The following GPC6 variants were observed in gnomAD, a reference collection of about 807,000 sequenced individuals.
GPC6 encodes glypican-6.
Under a neutral mutation model 55.2 loss-of-function variants are expected in GPC6, and 14 were observed. The ratio of observed to expected loss-of-function variants is 0.25; its 90% CI spans 0.17 to 0.40. The LOEUF is 0.40. GPC6 is among the 10% of genes least tolerant of loss of function. The probability of loss-of-function intolerance (pLI) is 1.00; values close to 1 mark genes in which losing one functional copy is unlikely to be tolerated. For missense variants in GPC6, 641 were observed against 708.5 expected, an observed-to-expected ratio of 0.90 and a Z score of 1.08; for synonymous variants, 278 against 259.6, an observed-to-expected ratio of 1.07 and a Z score of -0.68.
At chr13:94,335,124 G>A (rs144521156) in intron 6 of GPC6, among the ~76,000 whole-genome samples, 1 of 152,294 alleles carries the variant, frequency 6.6e-6, no homozygotes, top group East Asian at 1.9e-4. Flanking sequence ...TTAAGAGTGA[G>A]TTGTCTTATC....
At chr13:94,201,252 G>A (rs1420744490) in intron 4 of GPC6, among the ~76,000 whole-genome samples, 5 of 152,158 alleles carry the variant, frequency 3.3e-5, no homozygotes, top group Non-Finnish European at 5.9e-5. Flanking sequence ...ATAGGATGCT[G>A]AGGCTGATTA....
In GPC6 at chr13:93,250,125, A is replaced by G. The variant is rs75971511; in HGVS notation, c.160+22509A>G. On this transcript the variant is annotated intron_variant, in intron 1 of 8. Transcript: ENST00000377047. ...TCTGTGCCTTGATTTTTCCATCTGT[A>G]AACAGGGGTAATAGCAATTCCTATC... Among the ~76,000 whole-genome samples the G allele has an allele frequency of 9.9e-5, 15 of 152,272 alleles. No individual in the cohort carries two copies. The East Asian group carries it at 2.7e-3, about 27-fold the overall frequency.
chr13:94,271,338 G>A (rs1289492162), intron 4 of GPC6, among the ~76,000 whole-genome samples: 1 of 148,618 alleles, frequency 6.7e-6, no homozygotes, highest in Non-Finnish European at 1.5e-5. Context: ...TGATTCCCTT[G>A]CCTCACACTT....
chr13:94,127,035 T>C (rs1283169476), intron 4 of GPC6, among the ~76,000 whole-genome samples: 1 of 152,160 alleles, frequency 6.6e-6, no homozygotes, highest in Non-Finnish European at 1.5e-5. Context: ...GTACTAGTCA[T>C]TTTTCAATAT....
At chr13:93,860,457 G>T (rs943056685) in intron 3 of GPC6, among the ~76,000 whole-genome samples, 1 of 151,608 alleles carries the variant, frequency 6.6e-6, no homozygotes, top group African/African-American at 2.4e-5. Flanking sequence ...AAATAGGGTA[G>T]TTTTTTCTGG....
At chr13:94,243,741 G>T (rs1891122500) in intron 4 of GPC6, among the ~76,000 whole-genome samples, 2 of 152,080 alleles carry the variant, frequency 1.3e-5, no homozygotes, top group South Asian at 4.1e-4. Context: ...TGCTTTTTAT[G>T]TCTACCAGTA....
intron 4 of GPC6, among the ~76,000 whole-genome samples, chr13:94,267,258 C>G (rs1891846815): frequency 6.6e-6 from 1 of 151,922 alleles, no homozygotes; most frequent in African/African-American, 2.4e-5. Flanking sequence ...TTCTGAGACA[C>G]TGGGTTTGGT....
rs187894076 is a variant in GPC6 at position 93,319,323 on chromosome 13, C to T, written c.160+91707C>T. Among the ~76,000 whole-genome samples the T allele has an allele frequency of 2.7e-3, 406 of 151,686 alleles. 4 individuals are homozygous for T. Among genetic ancestry groups the T allele is most frequent in the Non-Finnish European group, 4.1e-3 (280 of 67,942 alleles). ...ACCAAGTGTTTGGAGTGTGCTCTGA[C>T]AAGAAATAAATAGGCCACAAGAAGG... is the stretch of plus-strand genomic sequence containing the variant. On this transcript the variant is annotated intron_variant, in intron 1 of 8. Transcript: ENST00000377047.
intron 6 of GPC6, among the ~76,000 whole-genome samples, chr13:94,311,705 A>T (rs572888401): frequency 6.6e-6 from 1 of 152,300 alleles, no homozygotes; most frequent in South Asian, 2.1e-4. Flanking sequence ...TATTCCTGAG[A>T]TCATATGCCC....
chr13:93,317,421 C>CTTCA (rs1306782829), intron 1 of GPC6, among the ~76,000 whole-genome samples: 2 of 152,134 alleles, frequency 1.3e-5, no homozygotes, highest in Non-Finnish European at 2.9e-5. Flanking sequence ...AAGTGTGTTG[C>CTTCA]TTCAGGTTGC....
At position 93,830,506 on chromosome 13, in the gene GPC6, G is replaced by A. The variant is rs140301551; in HGVS notation, c.672G>A (p.Gly224=). 6.2e-7 allele frequency: 1 copy of A among 1,613,256 alleles called. No homozygotes were observed. The highest frequency in any genetic ancestry group is 8.5e-7 in the Non-Finnish European group (1 of 1,179,778). ...AFIAARTFVQ[G]LTVGREVANR... is the part of the protein sequence containing the mutation. ...TTGCTGCCAGGACCTTTGTCCAGGG[G>A]CTGACTGTGGGCAGAGAAGTTGCAA... Residue 224 remains glycine (G), a synonymous_variant, in exon 3 of 9, where the codon GGG becomes GGA. Coordinates refer to ENST00000377047, the MANE Select transcript of GPC6 (RefSeq NM_005708.5).
intron 3 of GPC6, among the ~76,000 whole-genome samples, chr13:93,914,316 G>A (rs574852134): frequency 8.2e-4 from 125 of 152,154 alleles, no homozygotes; most frequent in African/African-American, 2.9e-3. Flanking sequence ...AACATGCGGT[G>A]TTTGGTTTTT....
intron 4 of GPC6, among the ~76,000 whole-genome samples, chr13:94,274,668 T>G (rs771705383): frequency 3.3e-4 from 50 of 152,138 alleles, no homozygotes; most frequent in Admixed American, 7.2e-4. Flanking sequence ...TCACAGAGAT[T>G]GTCTTGAAAG....
At chr13:94,161,457 C>T (rs970078121) in intron 4 of GPC6, among the ~76,000 whole-genome samples, 5 of 152,164 alleles carry the variant, frequency 3.3e-5, no homozygotes, top group African/African-American at 1.2e-4. Context: ...TTCTAATGTG[C>T]TGTGGCCATT....
chr13:93,292,885 A>T (rs1347243224), intron 1 of GPC6, among the ~76,000 whole-genome samples: 2 of 152,336 alleles, frequency 1.3e-5, no homozygotes, highest in African/African-American at 4.8e-5. Flanking sequence ...GGTTGATAAA[A>T]GTTTATTTGC....
intron 2 of GPC6, among the ~76,000 whole-genome samples, chr13:93,599,691 AT>A (rs1877929661): frequency 2.6e-5 from 4 of 152,202 alleles, no homozygotes; most frequent in Non-Finnish European, 1.5e-5. Flanking sequence ...ATAAGGTTTT[AT>A]TTTTTTCACT....
chr13:93,227,642 A>G lies in GPC6; in HGVS notation c.160+26A>G. The G allele has an allele frequency of 3.8e-6, 6 of 1,568,114 alleles. No individual in the cohort carries two copies. Among genetic ancestry groups the G allele is most frequent in the Non-Finnish European group, 5.2e-6 (6 of 1,158,026 alleles). On this transcript the variant is annotated intron_variant, in intron 1 of 8. Coordinates refer to ENST00000377047, the MANE Select transcript of GPC6 (RefSeq NM_005708.5). This position sits in a 1 kb window ranked among gnomAD's most constrained non-coding sequence, Gnocchi z 4.3. ...GTAAGCGCGGGCGCGCTGCAGGGGC[A>G]GGCTGCAGCCCTCGGCTGCCGCACG...
intron 1 of GPC6, among the ~76,000 whole-genome samples, chr13:93,528,246 G>A (rs1203886032): frequency 6.6e-6 from 1 of 152,146 alleles, no homozygotes; most frequent in African/African-American, 2.4e-5. Context: ...TTGAAAATTA[G>A]TTTATTGTAT....
At chr13:94,288,483 G>C (rs1313198390) in intron 5 of GPC6, among the ~76,000 whole-genome samples, 1 of 151,540 alleles carries the variant, frequency 6.6e-6, no homozygotes, top group African/African-American at 2.4e-5. Flanking sequence ...ACTTAGAATG[G>C]AATAAAACTC....
Sources: gnomAD v4.1 joint callset for allele counts (sites outside exome capture counted in the v4.1 genomes callset) on GRCh38, gnomAD v4.1.1 for gene constraint, Gnocchi (gnomAD v3.1) non-coding constraint, MANE v1.5 for transcripts, NCBI Gene and HGNC (gene_info 2026-07-23, HGNC 2026-07-21) for gene names.